The following SHISA6 variants were observed in gnomAD, a reference collection of about 807,000 sequenced individuals.
The protein encoded by SHISA6 is shisa family member 6, also known as protein shisa-6.
A neutral mutation model predicts 47.9 loss-of-function variants in SHISA6; 22 were observed. That is an observed-to-expected ratio of 0.46 (90% CI 0.33 to 0.66). The LOEUF (loss-of-function observed/expected upper bound fraction) is 0.66, where lower values mean the gene tolerates loss of function less well. Ranked by LOEUF, SHISA6 falls within the 30% of genes least tolerant of loss-of-function variation. The pLI is 0.02. For missense variants in SHISA6, 680 were observed against 764.6 expected (o/e 0.89, Z 1.30); for synonymous variants, 388 against 337.8 (o/e 1.15, Z -1.63).
chr17:11,455,381 C>T (rs151162895), intron 3 of SHISA6, among the ~76,000 whole-genome samples: 7 of 152,194 alleles, frequency 4.6e-5, no homozygotes, highest in Middle Eastern at 3.4e-3. Flanking sequence ...ACACAGCAAA[C>T]GTGATGTAAA....
chr17:11,369,645 T>G (rs564423184), intron 2 of SHISA6, among the ~76,000 whole-genome samples: 10 of 152,324 alleles, frequency 6.6e-5, no homozygotes, highest in African/African-American at 2.4e-4. Context: ...AGACGCTGGG[T>G]GCAAAGAAAG....
chr17:11,470,111 G>T (rs1470560352), intron 3 of SHISA6, among the ~76,000 whole-genome samples: 2 of 152,138 alleles, frequency 1.3e-5, no homozygotes, highest in African/African-American at 4.8e-5. Context: ...ACCAATCCTG[G>T]TGGCACGTTG....
At chr17:11,338,022 T>A (rs1254080891) in intron 2 of SHISA6, among the ~76,000 whole-genome samples, 2 of 152,140 alleles carry the variant, frequency 1.3e-5, no homozygotes, top group Non-Finnish European at 2.9e-5. Context: ...TCAGGGGCCA[T>A]TGCAATAGCC....
intron 3 of SHISA6, among the ~76,000 whole-genome samples, chr17:11,411,443 C>G (rs1283850950): frequency 2.6e-5 from 4 of 152,040 alleles, no homozygotes; most frequent in Admixed American, 6.6e-5. Context: ...GTAGCCCAGG[C>G]TGGAGTGCAG....
intron 2 of SHISA6, among the ~76,000 whole-genome samples, chr17:11,359,973 C>T (rs1475104327): frequency 6.6e-6 from 1 of 152,162 alleles, no homozygotes; most frequent in African/African-American, 2.4e-5. Context: ...TGGGTATATA[C>T]CCAAAGGATT....
chr17:11,411,203 C>G (rs139092143), intron 3 of SHISA6, among the ~76,000 whole-genome samples: 5 of 152,044 alleles, frequency 3.3e-5, no homozygotes, highest in Non-Finnish European at 7.4e-5. Context: ...CTCGTGACCT[C>G]GTGATCTGCC....
At chr17:11,452,832 C>A (rs1915439190) in intron 3 of SHISA6, among the ~76,000 whole-genome samples, 1 of 150,652 alleles carries the variant, frequency 6.6e-6, no homozygotes, top group Non-Finnish European at 1.5e-5. Context: ...TCTCCTCTTA[C>A]TCTCTTCCTC....
chr17:11,360,523 G>C (rs1350336177), intron 2 of SHISA6, among the ~76,000 whole-genome samples: 1 of 150,834 alleles, frequency 6.6e-6, no homozygotes, highest in Non-Finnish European at 1.5e-5. Flanking sequence ...CTGTGCCACT[G>C]CACTCCAGCC....
At chr17:11,438,063 T>A (rs1914989534) in intron 3 of SHISA6, among the ~76,000 whole-genome samples, 1 of 152,170 alleles carries the variant, frequency 6.6e-6, no homozygotes, top group African/African-American at 2.4e-5. Context: ...TCTCCAAGAT[T>A]GTCTCATACT....
At chr17:11,507,113 G>A (rs1372459176) in intron 3 of SHISA6, among the ~76,000 whole-genome samples, 2 of 152,190 alleles carry the variant, frequency 1.3e-5, no homozygotes, top group South Asian at 4.1e-4. Flanking sequence ...TCTACAAAAT[G>A]AGGAAGACAA....
intron 2 of SHISA6, among the ~76,000 whole-genome samples, chr17:11,277,318 A>ACACACACACCCC (rs1389004430): frequency 1.3e-4 from 17 of 128,084 alleles, no homozygotes; most frequent in African/African-American, 4.0e-4. Flanking sequence ...ACACACACAC[A>ACACACACACCCC]CCCCGCATGT....
intron 3 of SHISA6, among the ~76,000 whole-genome samples, chr17:11,500,110 G>C (rs2142345856): frequency 6.6e-6 from 1 of 152,324 alleles, no homozygotes. Flanking sequence ...AAGACATGGA[G>C]TGAAGAGAAT....
intron 2 of SHISA6, among the ~76,000 whole-genome samples, chr17:11,364,107 A>G: frequency 6.6e-6 from 1 of 152,224 alleles, no homozygotes; most frequent in East Asian, 1.9e-4. Context: ...CCTGCCCTGC[A>G]ACAGGTAAAC....
intron 3 of SHISA6, among the ~76,000 whole-genome samples, chr17:11,411,890 C>G (rs1035497932): frequency 2.0e-5 from 3 of 152,176 alleles, no homozygotes; most frequent in Admixed American, 6.5e-5. Context: ...TAGGTGTGTT[C>G]AAATGGGCCT....
chr17:11,379,370 G>T, intron 2 of SHISA6, 44 bp from the exon 3 acceptor site: 7 of 1,360,462 alleles, frequency 5.1e-6, no homozygotes, highest in Non-Finnish European at 7.1e-6. Flanking sequence ...CTTCCATGTT[G>T]GTGTCGTGGA....
At chr17:11,479,738 C>CAT (rs1221938836) in intron 3 of SHISA6, among the ~76,000 whole-genome samples, 6 of 151,506 alleles carry the variant, frequency 4.0e-5, no homozygotes, top group East Asian at 1.9e-4. Flanking sequence ...CATATACAAG[C>CAT]ATATATATAT....
At chr17:11,273,888 C>T (rs1334771815) in intron 2 of SHISA6, among the ~76,000 whole-genome samples, 1 of 137,234 alleles carries the variant, frequency 7.3e-6, no homozygotes, top group Non-Finnish European at 1.6e-5. Context: ...ATTCTGTTCT[C>T]AGTGCCAGGC....
At chr17:11,382,838 G>T (rs1270425607) in intron 3 of SHISA6, among the ~76,000 whole-genome samples, 1 of 150,826 alleles carries the variant, frequency 6.6e-6, no homozygotes, top group Non-Finnish European at 1.5e-5. Context: ...ATCAGACTCT[G>T]ATTGTCCAAG....
At chr17:11,478,696 GT>G (rs1189912046) in intron 3 of SHISA6, among the ~76,000 whole-genome samples, 1 of 91,702 alleles carries the variant, frequency 1.1e-5, no homozygotes, top group Non-Finnish European at 2.2e-5. Flanking sequence ...CCCATTGCTT[GT>G]TTTTCTCAGG....
Sources: gnomAD v4.1 joint callset for allele counts (sites outside exome capture counted in the v4.1 genomes callset) on GRCh38, gnomAD v4.1.1 for gene constraint, MANE v1.5 for transcripts, NCBI Gene and HGNC (gene_info 2026-07-23, HGNC 2026-07-21) for gene names.